PHLDB2: variants seen among roughly 807,000 people sequenced by gnomAD.
PHLDB2 encodes the protein pleckstrin homology-like domain family B member 2.
Under a neutral mutation model 123.6 loss-of-function variants are expected in PHLDB2, and 71 were observed. The ratio of observed to expected loss-of-function variants is 0.57; its 90% CI spans 0.47 to 0.70. PHLDB2 has a LOEUF of 0.70. PHLDB2 is among the 30% of genes least tolerant of loss of function. The pLI, the probability that PHLDB2 is intolerant of heterozygous loss-of-function variation, is 0.00. For synonymous variants in PHLDB2, 547 were observed against 541.6 expected (o/e 1.01, Z -0.14); for missense variants, 1,446 against 1,519.5 (o/e 0.95, Z 0.80).
intron 1 of PHLDB2, among the ~76,000 whole-genome samples, chr3:111,805,709 T>C (rs2061552214): frequency 6.7e-6 from 1 of 149,370 alleles, no homozygotes; most frequent in African/African-American, 2.5e-5. Context: ...ATCTAATCTA[T>C]AGTGACAGAA....
chr3:111,785,608 A>C (rs1476421929), intron 1 of PHLDB2, among the ~76,000 whole-genome samples: 4 of 152,092 alleles, frequency 2.6e-5, no homozygotes, highest in Non-Finnish European at 5.9e-5. Flanking sequence ...TTCCCCTCCC[A>C]CCCAAAAATA....
chr3:111,843,171 C>A (rs893958325), intron 1 of PHLDB2, among the ~76,000 whole-genome samples: 1 of 152,250 alleles, frequency 6.6e-6, no homozygotes, highest in Non-Finnish European at 1.5e-5. Context: ...GAGAAACTGG[C>A]AGATTGTGAT....
chr3:111,792,670 A>G (rs2060979698), intron 1 of PHLDB2, among the ~76,000 whole-genome samples: 2 of 152,148 alleles, frequency 1.3e-5, no homozygotes, highest in Admixed American at 6.5e-5. Context: ...TCACGCCACT[A>G]CACTCCATCC....
At chr3:111,911,510 G>A in intron 2 of PHLDB2, 1 of 962,868 alleles carries the variant, frequency 1.0e-6, no homozygotes, top group East Asian at 2.6e-5. Context: ...GGCAATGAAG[G>A]CTATGTCCCC....
chr3:111,972,598 T>C (rs919752891), intron 16 of PHLDB2, among the ~76,000 whole-genome samples: 1 of 152,184 alleles, frequency 6.6e-6, no homozygotes, highest in Non-Finnish European at 1.5e-5. Flanking sequence ...TATGTATATA[T>C]TTTCTTTTTT....
At chr3:111,875,442 G>A (rs901825979) in intron 1 of PHLDB2, among the ~76,000 whole-genome samples, 2 of 151,910 alleles carry the variant, frequency 1.3e-5, no homozygotes, top group Non-Finnish European at 2.9e-5. Flanking sequence ...GAGGCACCAC[G>A]CCTGGCAAAG....
chr3:111,960,768 C>A (rs6796683), intron 12 of PHLDB2, among the ~76,000 whole-genome samples: 50,163 of 151,998 alleles, frequency 0.33, 9,229 homozygotes, highest in African/African-American at 0.48. Context: ...GGTAATAACT[C>A]CCTGGGTAAT....
At position 111,913,299 on chromosome 3, in the gene PHLDB2, C is replaced by A; in HGVS notation, c.1336-20C>A. 1 of 1,552,952 alleles carries A rather than the reference C, an allele frequency of 6.4e-7. No individual in the cohort carries two copies. Among genetic ancestry groups the A allele is most frequent in the South Asian group, 1.2e-5 (1 of 80,058 alleles). On this transcript the variant is annotated intron_variant, in intron 2 of 17. Coordinates refer to ENST00000431670, the MANE Select transcript of PHLDB2 (RefSeq NM_001134438.2). ...CATTCTCACAAACCCACTGACCTCC[C>A]CCTCCTCCCTGTGTTCCAGGAGAGA...
intron 1 of PHLDB2, among the ~76,000 whole-genome samples, chr3:111,769,914 A>G (rs1379896984): frequency 5.3e-5 from 8 of 152,360 alleles, no homozygotes; most frequent in Non-Finnish European, 1.2e-4. Context: ...TGATTTCCAT[A>G]AGTATCTTAG....
At position 111,940,554 on chromosome 3, in the gene PHLDB2, A is replaced by T. The variant is rs770314459; in HGVS notation, c.2306A>T (p.Lys769Ile). 4.6e-5 allele frequency: 74 copies of T among 1,601,076 alleles called. No homozygotes were observed. Among genetic ancestry groups the T allele is most frequent in the Non-Finnish European group, 6.2e-5 (73 of 1,174,432 alleles). ...CTCCAGGAAAAAATTTCTGCATTGA[A>T]AAAGCAAGCCAATCACATTGTTCAG... is the stretch of plus-strand genomic sequence containing the variant. ...VSRKEKISALKKQANHIVQQA... is the reference protein window; with the variant it reads ...VSRKEKISALIKQANHIVQQA... The change falls in exon 8 of 18, where the codon AAA becomes ATA. Residue 769 changes from lysine to isoleucine, a missense_variant. Physicochemically the swap from Lys to Ile is moderately radical, Grantham distance 102 (BLOSUM62 -3). Coordinates refer to ENST00000431670, the MANE Select transcript of PHLDB2 (RefSeq NM_001134438.2).
chr3:111,973,924 AG>A, intron 17 of PHLDB2, 107 bp downstream of exon 17: 1 of 646,766 alleles, frequency 1.5e-6, no homozygotes, highest in Non-Finnish European at 2.7e-6. Context: ...TGTAACAGAT[AG>A]ATATGATCAG....
At chr3:111,948,483 C>T (rs981630928) in intron 9 of PHLDB2, among the ~76,000 whole-genome samples, 5 of 152,108 alleles carry the variant, frequency 3.3e-5, no homozygotes, top group Non-Finnish European at 7.4e-5. Context: ...GAAACAGAAA[C>T]GGTGAAAATC....
chr3:111,830,963 A>AAGAAAG (rs2062960349), intron 1 of PHLDB2, among the ~76,000 whole-genome samples: 1 of 28,904 alleles, frequency 3.5e-5, no homozygotes, highest in Non-Finnish European at 6.6e-5. Flanking sequence ...AAGAGAAAGA[A>AAGAAAG]AGAAAGAAAG....
At chr3:111,914,434 A>G (rs1000970851) in intron 3 of PHLDB2, 1 of 152,160 alleles carries the variant, frequency 6.6e-6, no homozygotes, top group African/African-American at 2.4e-5. Flanking sequence ...GACTAAGTTT[A>G]TATGTGCATA....
At chr3:111,771,503 C>A (rs1274484500) in intron 1 of PHLDB2, among the ~76,000 whole-genome samples, 2 of 152,106 alleles carry the variant, frequency 1.3e-5, no homozygotes, top group African/African-American at 4.8e-5. Flanking sequence ...CCACGCCCAG[C>A]TAATTTTTTG....
At chr3:111,928,102 A>C (rs1159898886) in intron 5 of PHLDB2, among the ~76,000 whole-genome samples, 12 of 152,212 alleles carry the variant, frequency 7.9e-5, no homozygotes, top group Non-Finnish European at 1.6e-4. Flanking sequence ...TTCACCTCTG[A>C]ATTTGAAATG....
chr3:111,957,363 G>A (rs941182841), intron 12 of PHLDB2: 4 of 152,636 alleles, frequency 2.6e-5, no homozygotes, highest in African/African-American at 4.8e-5. Flanking sequence ...TGGATTTTTA[G>A]TCTAATGATT....
chr3:111,856,640 C>T (rs116857384), upstream of PHLDB2, among the ~76,000 whole-genome samples: 31 of 152,308 alleles, frequency 2.0e-4, 1 homozygote, highest in East Asian at 4.8e-3. Flanking sequence ...GAAAGGTTGT[C>T]TCTAAGATGT....
At chr3:111,875,364 G>T (rs750192706) in intron 1 of PHLDB2, among the ~76,000 whole-genome samples, 2 of 151,506 alleles carry the variant, frequency 1.3e-5, no homozygotes, top group Non-Finnish European at 2.9e-5. Context: ...TGGTCAGGCT[G>T]GTCTCGAACT....
Sources: gnomAD v4.1 joint callset for allele counts (sites outside exome capture counted in the v4.1 genomes callset) on GRCh38, gnomAD v4.1.1 for gene constraint, MANE v1.5 for transcripts, NCBI Gene and HGNC (gene_info 2026-07-23, HGNC 2026-07-21) for gene names.